The following KRT83 variants were observed in gnomAD, a reference collection of about 807,000 sequenced individuals.
The protein encoded by KRT83 is keratin, type II cuticular Hb3.
KRT83 carries 51 observed loss-of-function variants against 52.9 expected under a neutral mutation model. That is an observed-to-expected ratio of 0.96 (90% CI 0.77 to 1.22). The LOEUF (loss-of-function observed/expected upper bound fraction) is 1.22, where lower values mean the gene tolerates loss of function less well. Ranked by LOEUF, KRT83 falls within the 50% of genes most tolerant of loss-of-function variation. The pLI is 0.00. For synonymous variants in KRT83, 278 were observed against 274.1 expected, an observed-to-expected ratio of 1.01 and a Z score of -0.14; for missense variants, 654 against 666.5, an observed-to-expected ratio of 0.98 and a Z score of 0.21.
rs757372724 is a variant in KRT83 at position 52,317,709 on chromosome 12, A to G, written c.722T>C (p.Ile241Thr). 45 of 1,612,808 alleles carry G rather than the reference A, an allele frequency of 2.8e-5. No homozygotes were observed. The highest frequency in any genetic ancestry group is 6.7e-5 in the African/African-American group (5 of 74,856). Residue 241 changes from isoleucine to threonine, a missense_variant, in exon 4 of 9, where the codon ATT becomes ACT. Ile to Thr is a moderately conservative substitution (Grantham distance 89). Transcript: ENST00000293670. Reference sequence around the variant, plus strand: ...CTCGTACAGCCGCCTCAGGAAGTCAATCTCCTGGATCAGGGCCTCCACGTT... The same window carrying G: ...CTCGTACAGCCGCCTCAGGAAGTCAGTCTCCTGGATCAGGGCCTCCACGTT... ...EANVEALIQE[I>T]DFLRRLYEEE... is the part of the protein sequence containing the mutation.
chr12:52,317,586 T>G, intron 4 of KRT83, 95 bp downstream of exon 4: 1 of 1,375,772 alleles, frequency 7.3e-7, no homozygotes, highest in Non-Finnish European at 1.0e-6. Flanking sequence ...TGGGTTCATA[T>G]GTCAGCAGGC....
intron 5 of KRT83, 122 bp from the exon 6 acceptor site, chr12:52,316,715 C>A: frequency 6.3e-7 from 1 of 1,585,770 alleles, no homozygotes; most frequent in South Asian, 1.1e-5. Context: ...GCAGTCCTGC[C>A]CTGCCACCCC....
chr12:52,316,982 C>A lies in KRT83; in HGVS notation c.792G>T (p.Val264=). 1 of 1,614,200 alleles carries A rather than the reference C, an allele frequency of 6.2e-7. No homozygotes were observed. Among genetic ancestry groups the A allele is most frequent in the Non-Finnish European group, 8.5e-7 (1 of 1,180,028 alleles). The change falls in exon 5 of 9, where the codon GTG becomes GTT. Residue 264 remains valine (V), a synonymous_variant. Coordinates refer to ENST00000293670, the MANE Select transcript of KRT83 (RefSeq NM_002282.3). ...CCCGGCTGTTGTCCAGCTTGACAAC[C>A]ACGGAGGTGTCTGAGATGTGGGATT... ...ILQSHISDTS[V]VVKLDNSRDL...
At chr12:52,318,890 T>G (rs972611691) in intron 2 of KRT83, among the ~76,000 whole-genome samples, 1 of 152,210 alleles carries the variant, frequency 6.6e-6, no homozygotes, top group African/African-American at 2.4e-5. Flanking sequence ...CTTTGAGATC[T>G]GGTCTCAAAG....
At chr12:52,318,471 C>G (rs1012345433) in intron 2 of KRT83, among the ~76,000 whole-genome samples, 2 of 151,966 alleles carry the variant, frequency 1.3e-5, no homozygotes, top group African/African-American at 2.4e-5. Flanking sequence ...CCTTCGAGCC[C>G]TCCCCTGCCC....
At chr12:52,317,092 A>G (rs1938700094) in intron 4 of KRT83, 69 bp from the exon 5 acceptor site, 1 of 1,606,122 alleles carries the variant, frequency 6.2e-7, no homozygotes, top group Non-Finnish European at 8.5e-7. Flanking sequence ...GATGCCTATC[A>G]TCCTTTTGGC....
At chr12:52,320,858 C>A (rs1210950438) in intron 1 of KRT83, 94 bp downstream of exon 1, 2 of 1,611,324 alleles carry the variant, frequency 1.2e-6, no homozygotes, top group African/African-American at 2.7e-5. Flanking sequence ...CTTCTGTGGG[C>A]AAGTTCTTGC....
rs200402665 is a variant in KRT83, at chr12:52,316,117, G to T, written c.1042-4C>A. 4,951 of 1,613,668 alleles carry T rather than the reference G, an allele frequency of 3.1e-3. 16 individuals are homozygous for T. Among genetic ancestry groups the T allele is most frequent in the Admixed American group, 4.7e-3 (285 of 60,022 alleles). ...CCGCAGCTTCCAGCTTGGAGTTCTG[G>T]GAGGTAGGGGGAATATGGAGAGGAT... On this transcript the variant is annotated splice_polypyrimidine_tract_variant and splice_region_variant and intron_variant, in intron 6 of 8. Coordinates refer to ENST00000293670, the MANE Select transcript of KRT83 (RefSeq NM_002282.3).
Position 52,319,267 on chromosome 12 carries a change from G to T in KRT83, c.482C>A (p.Ala161Asp), listed in dbSNP as rs1040745810. ...CCQSNLEPLF[A>D]GYIETLRREA... ...CCGCCGCAGAGTCTCGATGTAGCCA[G>T]CAAACAGGGGCTCCAGGTTACTCTG... The change falls in exon 2 of 9, where the codon GCT becomes GAT. Residue 161 changes from alanine to aspartate, a missense_variant. Coordinates refer to ENST00000293670, the MANE Select transcript of KRT83 (RefSeq NM_002282.3). 4.3e-6 allele frequency: 7 copies of T among 1,613,906 alleles called. No homozygotes were observed. The African/African-American group carries it at 9.3e-5, about 22-fold the overall frequency.
chr12:52,321,174 G>T lies in KRT83; in HGVS notation c.162C>A (p.Ser54Arg), dbSNP rs750577277. Reference sequence around the variant, plus strand: ...AGCCGGCGCGGAAGCCCCCGCACACGCTGTGGCTGCCAAAGCCCCCGGTGA... The same window carrying T: ...AGCCGGCGCGGAAGCCCCCGCACACTCTGTGGCTGCCAAAGCCCCCGGTGA... ...RGLTGGFGSH[S>R]VCGGFRAGSC... The change falls in exon 1 of 9, where the codon AGC (serine) becomes AGA (arginine). Residue 54 changes from serine to arginine, a missense_variant. By Grantham distance (110) the Ser-to-Arg change is moderately radical. Transcript: ENST00000293670. 5 of 1,612,592 alleles carry T rather than the reference G, an allele frequency of 3.1e-6. No individual in the cohort carries two copies. The highest frequency in any genetic ancestry group is 2.2e-5 in the East Asian group (1 of 44,878).
chr12:52,316,745 T>A, intron 5 of KRT83, 114 bp downstream of exon 5: 1 of 1,601,234 alleles, frequency 6.2e-7, no homozygotes, highest in Non-Finnish European at 8.5e-7. Flanking sequence ...GCTATTGGTT[T>A]TTCTCTTACC....
intron 6 of KRT83, 35 bp downstream of exon 6, chr12:52,316,433 C>T (rs770443869): frequency 6.2e-7 from 1 of 1,613,978 alleles, no homozygotes; most frequent in South Asian, 1.1e-5. Context: ...ACCCCAGTCT[C>T]TTCCTACACT....
At chr12:52,315,400 G>A (rs770997363) in intron 7 of KRT83, 57 bp from the exon 8 acceptor site, 53 of 1,548,640 alleles carry the variant, frequency 3.4e-5, no homozygotes, top group Middle Eastern at 3.4e-4. Context: ...TGAGGTCATC[G>A]AATTTCCGCT....
In KRT83 at chr12:52,321,163, C is replaced by T. The variant is rs776629118; in HGVS notation, c.173G>A (p.Gly58Asp). Residue 58 changes from glycine (G) to aspartate (D), a missense_variant, in exon 1 of 9, where the codon GGC (glycine) becomes GAC (aspartate). By Grantham distance (94) the Gly-to-Asp change is moderately conservative. Transcript: ENST00000293670. The stretch of plus-strand genomic sequence containing the variant: ...GCGTCCGCAGGAGCCGGCGCGGAAG[C>T]CCCCGCACACGCTGTGGCTGCCAAA... The part of the protein sequence containing the change: ...GGFGSHSVCG[G>D]FRAGSCGRSF... 1.6e-5 allele frequency: 26 copies of T among 1,612,420 alleles called. No homozygotes were observed. The highest frequency in any genetic ancestry group is 2.1e-5 in the Non-Finnish European group (25 of 1,179,406).
In KRT83 at chr12:52,314,312, A is replaced by G. The variant is rs1225673218; in HGVS notation, c.*319T>C. ...TTGCAGCACACAAAGCAGGTCCCCA[A>G]GTTTATTGGAAAAGGGGAGACAAGA... On this transcript the variant is annotated 3_prime_UTR_variant, in exon 9 of 9. Coordinates refer to ENST00000293670, the MANE Select transcript of KRT83 (RefSeq NM_002282.3). 3 of 442,516 alleles carry G rather than the reference A, an allele frequency of 6.8e-6. No individual in the cohort carries two copies. The highest frequency in any genetic ancestry group is 6.0e-5 in the African/African-American group (3 of 49,916). The allele number at this position is 442,516 out of a possible 1,614,324, so 27.4% of individuals were successfully genotyped here.
rs774347479 is a variant in KRT83, at chr12:52,316,587, C to CCT, written c.920_921dup (p.Glu308ArgfsTer3). The CCT allele has an allele frequency of 1.2e-6, 2 of 1,614,170 alleles. No homozygotes were observed. Among genetic ancestry groups the CCT allele is most frequent in the African/African-American group, 2.7e-5 (2 of 75,030 alleles). ...TGCCTGATCACTGTGGCCTTCATCTCCTCACACTGCAGGAAGCAGAGATGT... is the reference window on the plus strand; with the variant it reads ...TGCCTGATCACTGTGGCCTTCATCTCCTCTCACACTGCAGGAAGCAGAGATGT... On this transcript the variant is annotated frameshift_variant, in exon 6 of 9. Transcript: ENST00000293670. LOFTEE classifies it high-confidence loss of function.
At chr12:52,315,776 A>G (rs910193881) in intron 7 of KRT83, 117 bp downstream of exon 7, 11 of 1,385,958 alleles carry the variant, frequency 7.9e-6, no homozygotes, top group Admixed American at 5.5e-5. Flanking sequence ...ACTTGAAGAT[A>G]TGGATCTGGG....
chr12:52,314,622 T>C lies in KRT83; in HGVS notation c.*9A>G, dbSNP rs1251128357. ...CAGAAGGGGCTCCCCTGGCTCTCTT[T>C]TGGGCCACTTAATGCCTCCCCTGGC... On this transcript the variant is annotated 3_prime_UTR_variant, in exon 9 of 9. Transcript: ENST00000293670. 5 of 1,558,118 alleles carry C rather than the reference T, an allele frequency of 3.2e-6. No homozygotes were observed. Among genetic ancestry groups the C allele is most frequent in the East Asian group, 2.4e-5 (1 of 41,994 alleles).
At chr12:52,316,261 T>TACACACACACAC (rs71092759) in intron 6 of KRT83, 148 bp from the exon 7 acceptor site, 12,121 of 808,610 alleles carry the variant, frequency 0.015, 80 homozygotes, top group East Asian at 0.054. Flanking sequence ...TCACTTACAC[T>TACACACACACAC]ACACACACAC....
Sources: gnomAD v4.1 joint callset for allele counts (sites outside exome capture counted in the v4.1 genomes callset) on GRCh38, gnomAD v4.1.1 for gene constraint, MANE v1.5 for transcripts, NCBI Gene and HGNC (gene_info 2026-07-23, HGNC 2026-07-21) for gene names.